EEF2K: variants seen among roughly 807,000 people sequenced by gnomAD.
The protein encoded by EEF2K is alternative protein EEF2K.
In EEF2K, 70 loss-of-function variants were observed where a neutral mutation model predicts 93.8. The ratio of observed to expected loss-of-function variants is 0.75; its 90% CI spans 0.62 to 0.91. The LOEUF is 0.91. Among genes scored for constraint, EEF2K ranks in the 40% least tolerant of loss-of-function variants. The pLI is 0.00. For missense variants in EEF2K, 935 were observed against 972.9 expected (o/e 0.96, Z 0.52); for synonymous variants, 376 against 380.8 (o/e 0.99, Z 0.15).
intron 17 of EEF2K, among the ~76,000 whole-genome samples, chr16:22,283,472 T>C (rs964444177): frequency 9.2e-5 from 14 of 152,118 alleles, no homozygotes; most frequent in African/African-American, 1.2e-4. Flanking sequence ...TGTTTGTAAG[T>C]CGTTATTTCT....
chr16:22,265,880 T>A (rs576679945), intron 13 of EEF2K, among the ~76,000 whole-genome samples: 2 of 152,240 alleles, frequency 1.3e-5, no homozygotes, highest in East Asian at 3.9e-4. Context: ...TGCTGGAAGG[T>A]CTGAAGTGGG....
chr16:22,240,808 C>T lies in EEF2K; in HGVS notation c.247-3822C>T, dbSNP rs147075179. On this transcript the variant is annotated intron_variant, in intron 2 of 17. Coordinates refer to ENST00000263026, the MANE Select transcript of EEF2K (RefSeq NM_013302.5). ...TTTTTGAGATGGAGTCTCACTGTGT[C>T]GCCCAGGCTGGAGTGTAGTTGTGCT... 5.8e-3 allele frequency among the ~76,000 whole-genome samples: 889 copies of T among 152,112 alleles called. 36 individuals carry two copies. Among genetic ancestry groups the T allele is most frequent in the Admixed American group, 0.048 (728 of 15,254 alleles).
chr16:22,245,000 A>G (rs1429572568), intron 3 of EEF2K, among the ~76,000 whole-genome samples: 1 of 151,948 alleles, frequency 6.6e-6, no homozygotes, highest in East Asian at 1.9e-4. Flanking sequence ...GGTGGCTCTC[A>G]CCTGTAATCC....
chr16:22,250,565 AG>A (rs1215227267), intron 4 of EEF2K, 88 bp from the exon 5 acceptor site: 1 of 1,508,794 alleles, frequency 6.6e-7, no homozygotes, highest in Non-Finnish European at 9.2e-7. Flanking sequence ...CCCATTTGAT[AG>A]GTGGCATGTA....
Position 22,212,037 on chromosome 16 carries a change from C to T in EEF2K, c.-77+5358C>T, listed in dbSNP as rs117258520. On this transcript the variant is annotated intron_variant, in intron 1 of 17. Coordinates refer to ENST00000263026, the MANE Select transcript of EEF2K (RefSeq NM_013302.5). ...CTGACCCACCAGGAGTAGAGTGTACCGTGGACATGCAGAGAGTGCCCAGCA... is the reference window on the plus strand; with the variant it reads ...CTGACCCACCAGGAGTAGAGTGTACTGTGGACATGCAGAGAGTGCCCAGCA... Among the ~76,000 whole-genome samples, 930 of 151,938 alleles carry T rather than the reference C, an allele frequency of 6.1e-3. 11 individuals carry two copies. The highest frequency in any genetic ancestry group is 0.014 in the Middle Eastern group (4 of 292).
At chr16:22,258,201 A>T (rs2047426075) in intron 9 of EEF2K, among the ~76,000 whole-genome samples, 1 of 152,080 alleles carries the variant, frequency 6.6e-6, no homozygotes, top group Non-Finnish European at 1.5e-5. Context: ...CCAGCTTGGG[A>T]TGCTGGACAT....
intron 1 of EEF2K, among the ~76,000 whole-genome samples, chr16:22,219,049 C>T (rs949929896): frequency 6.6e-6 from 1 of 151,624 alleles, no homozygotes; most frequent in Non-Finnish European, 1.5e-5. Flanking sequence ...TGTCTTTCAG[C>T]TGGAGTCCTA....
chr16:22,285,812 G>A lies in EEF2K; in HGVS notation c.*1816G>A, dbSNP rs2047748252. On this transcript the variant is annotated 3_prime_UTR_variant, in exon 18 of 18. Coordinates refer to ENST00000263026, the MANE Select transcript of EEF2K (RefSeq NM_013302.5). ...AAATGGGTCCTTCAACACCTTAGTG[G>A]GGTTTGTTGTTGTTGCTTATGCAGA... 1 of 152,338 alleles carries A rather than the reference G, an allele frequency of 6.6e-6. No individual in the cohort carries two copies. The highest frequency in any genetic ancestry group is 2.4e-5 in the African/African-American group (1 of 41,424). The allele number at this position is 152,338 out of a possible 1,614,324, so 9.4% of individuals were successfully genotyped here. A position where few individuals can be genotyped will look rare whatever the true frequency, so the allele number is the denominator to read the frequency against.
At position 22,248,715 on chromosome 16, in the gene EEF2K, G is replaced by A. The variant is rs370019098; in HGVS notation, c.348-40G>A. On this transcript the variant is annotated intron_variant, in intron 3 of 17. Coordinates refer to ENST00000263026, the MANE Select transcript of EEF2K (RefSeq NM_013302.5). ...TTTAGCCAGTGAGAAACAGGACCAC[G>A]TGATGGACGCTGTGCCCCATGGTGG... 33 of 1,611,786 alleles carry A rather than the reference G, an allele frequency of 2.0e-5. No individual in the cohort carries two copies. In the South Asian group the frequency reaches 2.5e-4, roughly 12 times the overall value.
intron 4 of EEF2K, 72 bp downstream of exon 4, chr16:22,248,887 A>G (rs2047321085): frequency 2.0e-6 from 3 of 1,482,594 alleles, no homozygotes. Flanking sequence ...TGGTCTGTGC[A>G]CCCTTCTCTC....
At chr16:22,268,769 A>G (rs1339684705) in intron 15 of EEF2K, among the ~76,000 whole-genome samples, 1 of 152,044 alleles carries the variant, frequency 6.6e-6, no homozygotes, top group Non-Finnish European at 1.5e-5. Context: ...TAGCCTGCCC[A>G]ACATAGCAAA....
chr16:22,208,177 C>T (rs2046882150), intron 1 of EEF2K, among the ~76,000 whole-genome samples: 1 of 152,198 alleles, frequency 6.6e-6, no homozygotes, highest in African/African-American at 2.4e-5. Flanking sequence ...GAAGACAGAA[C>T]TGAAGTGGTC....
chr16:22,260,484 C>A lies in EEF2K; in HGVS notation c.1254C>A (p.Leu418=). 6.2e-7 allele frequency: 1 copy of A among 1,614,102 alleles called. No homozygotes were observed. Among genetic ancestry groups the A allele is most frequent in the Non-Finnish European group, 8.5e-7 (1 of 1,180,024 alleles). The change falls in exon 11 of 18, where the codon CTC becomes CTA. Residue 418 remains leucine, a synonymous_variant. Transcript: ENST00000263026. ...CAGATTGGCCAGTGTTCAGTGACCT[C>A]GATAACATGGCATCCAGAGACCATG... ...DHLHWPVFSD[L]DNMASRDHDH...
chr16:22,269,945 C>A (rs942103666), intron 15 of EEF2K, among the ~76,000 whole-genome samples: 6 of 151,434 alleles, frequency 4.0e-5, no homozygotes, highest in African/African-American at 1.5e-4. Flanking sequence ...ATAGAGATAG[C>A]TTCCTGATTC....
chr16:22,264,588 A>G (rs561710280), intron 12 of EEF2K, among the ~76,000 whole-genome samples: 16 of 152,292 alleles, frequency 1.1e-4, no homozygotes, highest in African/African-American at 3.8e-4. Context: ...GGGGGACAGC[A>G]AGGCTGTGAC....
chr16:22,257,477 C>T lies in EEF2K; in HGVS notation c.901+92C>T, dbSNP rs1393344766. The stretch of plus-strand genomic sequence containing the variant: ...GTACAGCCAAGGAAACAGGCTGAGA[C>T]ACTGTACGCGCTTTTTCAAGATCAT... On this transcript the variant is annotated intron_variant, in intron 8 of 17. Transcript: ENST00000263026. 20 of 1,564,802 alleles carry T rather than the reference C, an allele frequency of 1.3e-5. 1 individual carries two copies. The Middle Eastern group carries it at 8.5e-4, about 67-fold the overall frequency.
intron 1 of EEF2K, among the ~76,000 whole-genome samples, chr16:22,211,086 A>C (rs548363642): frequency 1.3e-5 from 2 of 152,314 alleles, no homozygotes; most frequent in South Asian, 4.1e-4. Context: ...GTCCGTGGCC[A>C]GGCAGGGGAG....
At chr16:22,256,966 C>A in intron 7 of EEF2K, 69 bp downstream of exon 7, 3 of 1,590,082 alleles carry the variant, frequency 1.9e-6, no homozygotes, top group Non-Finnish European at 2.6e-6. Context: ...CCAGGCTCAG[C>A]CCCTAAAGAG....
intron 2 of EEF2K, among the ~76,000 whole-genome samples, chr16:22,234,906 G>A (rs1439614945): frequency 1.5e-5 from 2 of 131,844 alleles, no homozygotes; most frequent in South Asian, 2.6e-4. Context: ...TTTTAGGGGC[G>A]GTTTCACTCT....
Sources: allele counts gnomAD v4.1 joint callset (sites outside exome capture counted in the v4.1 genomes callset), GRCh38; gene constraint gnomAD v4.1.1; transcripts MANE v1.5; gene names NCBI Gene and HGNC (gene_info 2026-07-23, HGNC 2026-07-21).